MAST4: variants seen among roughly 807,000 people sequenced by gnomAD.
The protein encoded by MAST4 is microtubule associated serine/threonine kinase family member 4.
A neutral mutation model predicts 162.7 loss-of-function variants in MAST4; 89 were observed. The observed-to-expected ratio is 0.55, with a 90% CI of 0.46 to 0.65. The LOEUF is 0.65. MAST4 is among the 30% of genes least tolerant of loss of function. MAST4 has a pLI of 0.00. For synonymous variants in MAST4, 1,479 were observed against 1,361.1 expected (o/e 1.09, Z -1.91); for missense variants, 3,153 against 3,374.0 (o/e 0.93, Z 1.62).
At chr5:67,075,335 G>T (rs1157495236) in intron 5 of MAST4, among the ~76,000 whole-genome samples, 1 of 151,728 alleles carries the variant, frequency 6.6e-6, no homozygotes, top group African/African-American at 2.4e-5. Context: ...ACCATGCCTG[G>T]CTAACTTTTT....
At chr5:67,005,578 AC>A (rs1751931087) in intron 4 of MAST4, among the ~76,000 whole-genome samples, 1 of 152,222 alleles carries the variant, frequency 6.6e-6, no homozygotes, top group African/African-American at 2.4e-5. Flanking sequence ...GATCTACATA[AC>A]TTTGTCATTT....
At position 66,848,834 on chromosome 5, in the gene MAST4, T is replaced by C. The variant is rs562693263; in HGVS notation, c.643-51117T>C. Among the ~76,000 whole-genome samples the C allele has an allele frequency of 8.5e-5, 13 of 152,320 alleles. No homozygotes were observed. The South Asian group carries it at 1.2e-3, about 15-fold the overall frequency. On this transcript the variant is annotated intron_variant, in intron 3 of 28. Coordinates refer to ENST00000403625, the MANE Select transcript of MAST4 (RefSeq NM_001164664.2). ...ATAGACCCTCTTGCCAGACCACATG[T>C]ATGTCTGTAGCTGCAGCATTTATAC...
At chr5:66,720,367 C>T (rs1751121273) in intron 1 of MAST4, among the ~76,000 whole-genome samples, 1 of 152,022 alleles carries the variant, frequency 6.6e-6, no homozygotes, top group South Asian at 2.1e-4. Context: ...ATAGTGTCCC[C>T]TGTAAATCAT....
At chr5:66,750,819 C>T (rs1201049069) in intron 1 of MAST4, among the ~76,000 whole-genome samples, 1 of 152,232 alleles carries the variant, frequency 6.6e-6, no homozygotes, top group Non-Finnish European at 1.5e-5. Context: ...CTGCCTGCCT[C>T]TGTAGGCTCC....
intron 4 of MAST4, among the ~76,000 whole-genome samples, chr5:66,999,425 G>A (rs1334588919): frequency 6.6e-6 from 1 of 152,178 alleles, no homozygotes; most frequent in Non-Finnish European, 1.5e-5. Context: ...TGGGAGATAA[G>A]TGCTTCATTT....
intron 1 of MAST4, among the ~76,000 whole-genome samples, chr5:66,682,867 C>G (rs140679826): frequency 2.8e-4 from 43 of 152,204 alleles, no homozygotes; most frequent in Non-Finnish European, 5.9e-4. Context: ...CACTGCACCC[C>G]GCTTCATCTG....
intron 3 of MAST4, among the ~76,000 whole-genome samples, chr5:66,825,380 A>C (rs1020742346): frequency 1.3e-5 from 2 of 151,574 alleles, no homozygotes; most frequent in African/African-American, 4.9e-5. Flanking sequence ...CTTCAGCGCT[A>C]TTACGATCTT....
chr5:66,764,138 G>T (rs1753977098), intron 2 of MAST4, among the ~76,000 whole-genome samples: 1 of 152,074 alleles, frequency 6.6e-6, no homozygotes, highest in African/African-American at 2.4e-5. Flanking sequence ...TTTTTTTCTT[G>T]TTCAGATGGC....
chr5:66,986,436 A>G (rs1208564499), intron 4 of MAST4: 1 of 1,556,742 alleles, frequency 6.4e-7, no homozygotes, highest in Non-Finnish European at 8.7e-7. Flanking sequence ...TTCTCTGTTT[A>G]TTTTTAGCCC....
intron 1 of MAST4, among the ~76,000 whole-genome samples, chr5:66,718,418 C>A (rs1750992271): frequency 2.0e-5 from 3 of 151,886 alleles, no homozygotes; most frequent in African/African-American, 7.3e-5. Flanking sequence ...ACCTGAGGAC[C>A]CCATGAGTGC....
In MAST4 at chr5:67,095,658, C is replaced by A. The variant is rs1240433667; in HGVS notation, c.895C>A (p.Pro299Thr). The A allele has an allele frequency of 6.2e-7, 1 of 1,606,780 alleles. No individual in the cohort carries two copies. Among genetic ancestry groups the A allele is most frequent in the Admixed American group, 1.7e-5 (1 of 59,516 alleles). ...LPSSGYGTNT[P>T]SSTVSSSCSS... ...TTCCTCTGGCTATGGGACAAACACA[C>A]CCAGCTCTACGGTCTCTGTAAGTGC... Residue 299 changes from proline to threonine, a missense_variant, in exon 7 of 29, where the codon CCC (proline) becomes ACC (threonine). Physicochemically the swap from Pro to Thr is conservative, Grantham distance 38 (BLOSUM62 -1). This residue lies in a region of MAST4 where 360 missense variants were observed against 450.0 expected (regional missense o/e 0.80). Coordinates refer to ENST00000403625, the MANE Select transcript of MAST4 (RefSeq NM_001164664.2).
chr5:67,029,085 T>G (rs1418364540), intron 4 of MAST4, among the ~76,000 whole-genome samples: 1 of 151,696 alleles, frequency 6.6e-6, no homozygotes, highest in Non-Finnish European at 1.5e-5. Context: ...CAGGCAGCCA[T>G]GATCACGTAA....
At chr5:66,868,282 A>G (rs571443200) in intron 3 of MAST4, among the ~76,000 whole-genome samples, 52 of 152,168 alleles carry the variant, frequency 3.4e-4, no homozygotes, top group African/African-American at 1.2e-3. Context: ...GGATCTCCCT[A>G]TAGTGAAGAA....
intron 1 of MAST4, among the ~76,000 whole-genome samples, chr5:66,728,861 G>A (rs1751675141): frequency 6.6e-6 from 1 of 152,184 alleles, no homozygotes; most frequent in African/African-American, 2.4e-5. Flanking sequence ...AAGTTTCTAA[G>A]GAAATAACAC....
chr5:66,859,199 T>TA lies in MAST4; in HGVS notation c.643-40752_643-40751insA, dbSNP rs1457340853. Reference sequence around the variant, plus strand: ...AATCACAGCAATATAACGCTTCTTATTTTGTTGTGCAGCATGAGAATTAAA... The same window carrying TA: ...AATCACAGCAATATAACGCTTCTTATATTTGTTGTGCAGCATGAGAATTAAA... On this transcript the variant is annotated intron_variant, in intron 3 of 28. Transcript: ENST00000403625. Among the ~76,000 whole-genome samples, 3 of 152,186 alleles carry TA rather than the reference T, an allele frequency of 2.0e-5. 1 individual carries two copies. The East Asian group carries it at 5.8e-4, about 29-fold the overall frequency.
intron 15 of MAST4, 128 bp from the exon 16 acceptor site, chr5:67,131,685 C>A (rs889957920): frequency 3.6e-6 from 3 of 827,452 alleles, no homozygotes; most frequent in Non-Finnish European, 5.6e-6. Context: ...CACATAGACT[C>A]CAGTTGTGAC....
intron 9 of MAST4, among the ~76,000 whole-genome samples, chr5:67,103,885 C>A (rs540232236): frequency 6.6e-6 from 1 of 152,188 alleles, no homozygotes; most frequent in Non-Finnish European, 1.5e-5. Context: ...TTCACAGATA[C>A]AATCTGAGTT....
At chr5:66,649,555 C>T (rs191976557) in intron 1 of MAST4, among the ~76,000 whole-genome samples, 5 of 152,176 alleles carry the variant, frequency 3.3e-5, no homozygotes, top group African/African-American at 1.2e-4. Flanking sequence ...CATGTTTTAG[C>T]CTTTAGTTAT....
At chr5:66,909,716 T>C (rs754155077) in intron 4 of MAST4, among the ~76,000 whole-genome samples, 13 of 152,182 alleles carry the variant, frequency 8.5e-5, no homozygotes, top group African/African-American at 1.4e-4. Context: ...TGGGTACTGA[T>C]AGCGTTTGGC....
Sources: gnomAD v4.1 joint callset for allele counts (sites outside exome capture counted in the v4.1 genomes callset) on GRCh38, gnomAD v4.1.1 for gene constraint, gnomAD v4.1.1 regional missense constraint, MANE v1.5 for transcripts, NCBI Gene and HGNC (gene_info 2026-07-23, HGNC 2026-07-21) for gene names.